The following ERLEC1 variants were observed in gnomAD, a reference collection of about 807,000 sequenced individuals.
ERLEC1 encodes the protein ER lectin.
Under a neutral mutation model 68.0 loss-of-function variants are expected in ERLEC1, and 47 were observed. That is an observed-to-expected ratio of 0.69 (90% CI 0.55 to 0.88). The LOEUF is 0.88. ERLEC1 is among the 40% of genes least tolerant of loss of function. The pLI, the probability that ERLEC1 is intolerant of heterozygous loss-of-function variation, is 0.00. For missense variants in ERLEC1, 567 were observed against 583.8 expected (o/e 0.97, Z 0.30); for synonymous variants, 225 against 203.2 (o/e 1.11, Z -0.91).
In ERLEC1 at chr2:53,814,752, A is replaced by G. The variant is rs1006051948; in HGVS notation, c.1305-108A>G. The G allele has an allele frequency of 3.0e-6, 3 of 987,762 alleles. No homozygotes were observed. In the African/African-American group the frequency reaches 5.0e-5, roughly 16 times the overall value. 61.2% of individuals were successfully genotyped at this position (987,762 alleles called of 1,614,324 possible). On this transcript the variant is annotated intron_variant, in intron 12 of 13. Coordinates refer to ENST00000185150, the MANE Select transcript of ERLEC1 (RefSeq NM_015701.5). Reference sequence around the variant, plus strand: ...CCATTTAAATTATTGATAAAATTATATTAAATCATACAGGGTCCACTTGAG... The same window carrying G: ...CCATTTAAATTATTGATAAAATTATGTTAAATCATACAGGGTCCACTTGAG...
intron 13 of ERLEC1, among the ~76,000 whole-genome samples, chr2:53,816,145 A>G (rs979316822): frequency 1.3e-5 from 2 of 152,172 alleles, no homozygotes; most frequent in Admixed American, 6.5e-5. Flanking sequence ...CAGTGGCGCA[A>G]TCTTGGCTCA....
chr2:53,809,152 T>C, intron 9 of ERLEC1, 62 bp from the exon 10 acceptor site: 1 of 1,109,676 alleles, frequency 9.0e-7, no homozygotes, highest in South Asian at 1.4e-5. Flanking sequence ...ATTACTGTCA[T>C]GTGGCATTAT....
chr2:53,791,871 T>C (rs926680667), intron 1 of ERLEC1, among the ~76,000 whole-genome samples: 4 of 142,886 alleles, frequency 2.8e-5, no homozygotes, highest in African/African-American at 1.1e-4. Flanking sequence ...TACTTTCAAA[T>C]CTCTTTGATT....
At chr2:53,798,801 G>A (rs1461154679) in intron 5 of ERLEC1, among the ~76,000 whole-genome samples, 3 of 151,762 alleles carry the variant, frequency 2.0e-5, no homozygotes, top group South Asian at 2.1e-4. Flanking sequence ...AAAATACCTC[G>A]AAAGAAAATT....
rs1389161145 is a variant in ERLEC1, at chr2:53,818,771, T to TAA, written c.*804_*805dup. The TAA allele has an allele frequency of 6.6e-6, 1 of 152,228 alleles. No individual in the cohort carries two copies. The highest frequency in any genetic ancestry group is 1.5e-5 in the Non-Finnish European group (1 of 68,048). 9.4% of individuals were successfully genotyped at this position (152,228 alleles called of 1,614,324 possible). A position where few individuals can be genotyped will look rare whatever the true frequency, so the allele number is the denominator to read the frequency against. ...ACAGTTTACAGCACAATATTTATTT[T>TAA]AAAGTGAATAAAATGTCCACAAGCA... On this transcript the variant is annotated 3_prime_UTR_variant, in exon 14 of 14. Transcript: ENST00000185150.
At chr2:53,814,997 T>G in intron 13 of ERLEC1, 62 bp downstream of exon 13, 1 of 309,310 alleles carries the variant, frequency 3.2e-6, no homozygotes, top group East Asian at 6.5e-5. Flanking sequence ...TTTTTTTTCT[T>G]TTTTTTTTTT....
At chr2:53,814,806 A>G (rs1676776396) in intron 12 of ERLEC1, 54 bp from the exon 13 acceptor site, 1 of 1,335,740 alleles carries the variant, frequency 7.5e-7, no homozygotes, top group Admixed American at 1.8e-5. Flanking sequence ...AGTTATTAAC[A>G]GTGATCTTAC....
chr2:53,787,480 T>G, intron 1 of ERLEC1, 108 bp downstream of exon 1: 1 of 1,337,438 alleles, frequency 7.5e-7, no homozygotes, highest in East Asian at 2.4e-5. Context: ...CTCTGCAGAC[T>G]CTTACCTTCC....
At position 53,818,785 on chromosome 2, in the gene ERLEC1, T is replaced by A. The variant is rs1677031673; in HGVS notation, c.*816T>A. On this transcript the variant is annotated 3_prime_UTR_variant, in exon 14 of 14. Transcript: ENST00000185150. Reference sequence around the variant, plus strand: ...AATATTTATTTTAAAGTGAATAAAATGTCCACAAGCAGTGTTGTCATGTAG... The same window carrying A: ...AATATTTATTTTAAAGTGAATAAAAAGTCCACAAGCAGTGTTGTCATGTAG... 2.6e-5 allele frequency: 4 copies of A among 152,214 alleles called. No homozygotes were observed. The highest frequency in any genetic ancestry group is 1.3e-4 in the Admixed American group (2 of 15,286). The allele number at this position is 152,214 out of a possible 1,614,324, so 9.4% of individuals were successfully genotyped here.
intron 8 of ERLEC1, among the ~76,000 whole-genome samples, chr2:53,803,184 AG>A (rs1239859026): frequency 1.3e-5 from 2 of 152,218 alleles, no homozygotes; most frequent in Admixed American, 6.5e-5. Context: ...CTTGGCTGCA[AG>A]GCTTGTTTCT....
At chr2:53,790,411 T>G (rs1675327820) in intron 1 of ERLEC1, among the ~76,000 whole-genome samples, 1 of 151,588 alleles carries the variant, frequency 6.6e-6, no homozygotes, top group African/African-American at 2.4e-5. Context: ...GGTTGGACAT[T>G]TGTATCTAAC....
intron 1 of ERLEC1, among the ~76,000 whole-genome samples, chr2:53,790,147 A>G (rs1264931552): frequency 6.6e-6 from 1 of 151,798 alleles, no homozygotes; most frequent in East Asian, 1.9e-4. Flanking sequence ...AGGCTAGAGT[A>G]CAATGGCGCC....
At position 53,818,040 on chromosome 2, in the gene ERLEC1, T is replaced by A; in HGVS notation, c.*71T>A. The A allele has an allele frequency of 3.0e-6, 3 of 1,015,872 alleles. No individual in the cohort carries two copies. Among genetic ancestry groups the A allele is most frequent in the Non-Finnish European group, 4.7e-6 (3 of 641,520 alleles). 62.9% of individuals were successfully genotyped at this position (1,015,872 alleles called of 1,614,324 possible). On this transcript the variant is annotated 3_prime_UTR_variant, in exon 14 of 14. Coordinates refer to ENST00000185150, the MANE Select transcript of ERLEC1 (RefSeq NM_015701.5). ...TAATTTCTGTCCCACTGTGTCTCAT[T>A]ATAGAGTTCTCAGCCATTGGACCTC...
chr2:53,797,430 G>A (rs1675772406), intron 3 of ERLEC1, 85 bp from the exon 4 acceptor site: 7 of 910,514 alleles, frequency 7.7e-6, no homozygotes, highest in African/African-American at 5.0e-5. Flanking sequence ...AATCTTAGGG[G>A]AAGTCTCAGC....
In ERLEC1 at chr2:53,818,194, CTGA is replaced by C; in HGVS notation, c.*226_*228del. 1 of 360,960 alleles carries C rather than the reference CTGA, an allele frequency of 2.8e-6. No homozygotes were observed. Among genetic ancestry groups the C allele is most frequent in the Non-Finnish European group, 5.0e-6 (1 of 198,426 alleles). The allele number at this position is 360,960 out of a possible 1,614,324, so 22.4% of individuals were successfully genotyped here. A position where few individuals can be genotyped will look rare whatever the true frequency, so the allele number is the denominator to read the frequency against. On this transcript the variant is annotated 3_prime_UTR_variant, in exon 14 of 14. Coordinates refer to ENST00000185150, the MANE Select transcript of ERLEC1 (RefSeq NM_015701.5). ...TTTCATTTTTGTTGTGTCTTATAAA[CTGA>C]CTGTTTTTCTTTGCTTGGATACTGT...
intron 1 of ERLEC1, among the ~76,000 whole-genome samples, chr2:53,788,211 A>G (rs1306034859): frequency 6.6e-6 from 1 of 152,236 alleles, no homozygotes; most frequent in South Asian, 2.1e-4. Context: ...TAAACTTTTT[A>G]TTCCAATTAC....
In ERLEC1 at chr2:53,809,197, GTTTTC is replaced by G. The variant is rs776015018; in HGVS notation, c.1042-12_1042-8del. The G allele has an allele frequency of 8.9e-6, 14 of 1,570,250 alleles. No homozygotes were observed. The African/African-American group carries it at 1.7e-4, about 19-fold the overall frequency. On this transcript the variant is annotated splice_polypyrimidine_tract_variant and intron_variant, in intron 9 of 13. Coordinates refer to ENST00000185150, the MANE Select transcript of ERLEC1 (RefSeq NM_015701.5). Reference sequence around the variant, plus strand: ...CCCAGTTCTTAACTTGATCTAATATGTTTTCTTTTTTTTTAGGGTGTCGGTTGGTG... The same window carrying G: ...CCCAGTTCTTAACTTGATCTAATATGTTTTTTTTTAGGGTGTCGGTTGGTG...
intron 3 of ERLEC1, among the ~76,000 whole-genome samples, chr2:53,796,449 T>G (rs147234870): frequency 1.4e-3 from 207 of 152,112 alleles, no homozygotes; most frequent in African/African-American, 4.7e-3. Flanking sequence ...ATTATTTCTT[T>G]TTTTTTCTTT....
At position 53,809,209 on chromosome 2, in the gene ERLEC1, T is replaced by C. The variant is rs1676459812; in HGVS notation, c.1042-5T>C. 6.3e-7 allele frequency: 1 copy of C among 1,583,618 alleles called. No individual in the cohort carries two copies. The highest frequency in any genetic ancestry group is 1.4e-5 in the African/African-American group (1 of 72,678). ...CTTGATCTAATATGTTTTCTTTTTT[T>C]TTAGGGTGTCGGTTGGTGGAAATAT... On this transcript the variant is annotated splice_region_variant and splice_polypyrimidine_tract_variant and intron_variant, in intron 9 of 13. Coordinates refer to ENST00000185150, the MANE Select transcript of ERLEC1 (RefSeq NM_015701.5).
Sources: allele counts gnomAD v4.1 joint callset (sites outside exome capture counted in the v4.1 genomes callset), GRCh38; gene constraint gnomAD v4.1.1; transcripts MANE v1.5; gene names NCBI Gene and HGNC (gene_info 2026-07-23, HGNC 2026-07-21).